EXTL3: variants seen among roughly 807,000 people sequenced by gnomAD.
The protein encoded by EXTL3 is exostosin-like 3.
Under a neutral mutation model 69.3 loss-of-function variants are expected in EXTL3, and 27 were observed. The observed-to-expected ratio is 0.39, with a 90% CI of 0.29 to 0.54. The LOEUF (loss-of-function observed/expected upper bound fraction) is 0.54. Among genes scored for constraint, EXTL3 ranks in the 20% least tolerant of loss-of-function variants. EXTL3 has a pLI of 0.69. For synonymous variants in EXTL3, 511 were observed against 499.4 expected, an observed-to-expected ratio of 1.02 and a Z score of -0.31; for missense variants, 1,003 against 1,231.8, an observed-to-expected ratio of 0.81 and a Z score of 2.78.
At chr8:28,612,575 T>C (rs1292711024) in intron 2 of EXTL3, among the ~76,000 whole-genome samples, 1 of 152,190 alleles carries the variant, frequency 6.6e-6, no homozygotes, top group Non-Finnish European at 1.5e-5. Flanking sequence ...TAAAAGTTAT[T>C]ACTATCTTCT....
chr8:28,608,147 T>C (rs1346663401), intron 2 of EXTL3, among the ~76,000 whole-genome samples: 1 of 150,398 alleles, frequency 6.6e-6, no homozygotes, highest in Non-Finnish European at 1.5e-5. Context: ...AAATAGGCCA[T>C]TAAGCTGGTC....
rs1801533711 is a variant in EXTL3 at position 28,731,322 on chromosome 8, C to T, written c.2248C>T (p.Arg750Cys). The T allele has an allele frequency of 2.5e-6, 4 of 1,614,098 alleles. No individual in the cohort carries two copies. Among genetic ancestry groups the T allele is most frequent in the Non-Finnish European group, 3.4e-6 (4 of 1,180,042 alleles). Residue 750 changes from arginine (R) to cysteine (C), a missense_variant, in exon 4 of 7, where the codon CGC becomes TGC. Coordinates refer to ENST00000220562, the MANE Select transcript of EXTL3 (RefSeq NM_001440.4). The stretch of plus-strand genomic sequence containing the variant: ...GTCCATTGATGACGATGCTCACCTC[C>T]GCCATGACGAAATCATGTTTGGGTT... ...ILSIDDDAHL[R>C]HDEIMFGFRV...
At chr8:28,611,500 A>C (rs4732643) in intron 2 of EXTL3, among the ~76,000 whole-genome samples, 32,128 of 152,022 alleles carry the variant, frequency 0.21, 3,996 homozygotes, top group Non-Finnish European at 0.28. Context: ...TAGCTGTAAT[A>C]TTCTGGATTC....
intron 1 of EXTL3, among the ~76,000 whole-genome samples, chr8:28,669,723 G>C (rs1247797833): frequency 6.6e-6 from 1 of 152,148 alleles, no homozygotes; most frequent in African/African-American, 2.4e-5. Flanking sequence ...TCTGTTCTCT[G>C]ATATTAAGCA....
rs145207874 is a variant in EXTL3 at position 28,717,390 on chromosome 8, C to T, written c.1331C>T (p.Ser444Phe). ...ITPGDPRLVI[S>F]SGCATRLFEA... ...CCCGGGGACCCTCGCTTGGTTATTT[C>T]CTCTGGGTGTGCAACACGGCTCTTC... is the stretch of plus-strand genomic sequence containing the variant. Residue 444 changes from serine to phenylalanine, a missense_variant, in exon 3 of 7, where the codon TCC (serine) becomes TTC (phenylalanine). Coordinates refer to ENST00000220562, the MANE Select transcript of EXTL3 (RefSeq NM_001440.4). The surrounding 1 kb of genome is among the most constrained non-coding windows in gnomAD (Gnocchi z 8.3). The T allele has an allele frequency of 6.2e-7, 1 of 1,614,222 alleles. No homozygotes were observed. Among genetic ancestry groups the T allele is most frequent in the Non-Finnish European group, 8.5e-7 (1 of 1,180,038 alleles).
intron 1 of EXTL3, among the ~76,000 whole-genome samples, chr8:28,675,394 G>A (rs924812116): frequency 3.3e-5 from 5 of 152,172 alleles, no homozygotes; most frequent in African/African-American, 1.2e-4. Context: ...CATGACCTCT[G>A]TGGTCAGTAT....
intron 3 of EXTL3, among the ~76,000 whole-genome samples, chr8:28,724,218 C>T (rs562971869): frequency 1.3e-5 from 2 of 152,092 alleles, no homozygotes; most frequent in African/African-American, 4.8e-5. Flanking sequence ...TCTGCATTCT[C>T]TCATTTGTTG....
rs7001777 is a variant in EXTL3, at chr8:28,728,779, T to C, written c.2149-2444T>C. On this transcript the variant is annotated intron_variant, in intron 3 of 6. Coordinates refer to ENST00000220562, the MANE Select transcript of EXTL3 (RefSeq NM_001440.4). ...GTGCATGCCTGTAGGTCCCAGCTAC[T>C]TGGGGAGCTGAGACAAGAGGATCAA... is the stretch of plus-strand genomic sequence containing the variant. Among the ~76,000 whole-genome samples the C allele has an allele frequency of 5.2e-3, 798 of 152,192 alleles. 14 individuals are homozygous for C. The highest frequency in any genetic ancestry group is 0.018 in the African/African-American group (766 of 41,514).
At position 28,718,177 on chromosome 8, in the gene EXTL3, T is replaced by C. The variant is rs768720725; in HGVS notation, c.2118T>C (p.Leu706=). 3.2e-5 allele frequency: 52 copies of C among 1,614,162 alleles called. No homozygotes were observed. The highest frequency in any genetic ancestry group is 4.2e-5 in the Non-Finnish European group (50 of 1,180,014). ...WNSPKLPSED[L]LWPDIGVPIM... is the part of the protein sequence containing the mutation. ...CTCCCAAGCTGCCATCAGAGGACCT[T>C]CTGTGGCCTGACATTGGCGTCCCCA... The change falls in exon 3 of 7, where the codon CTT becomes CTC. Residue 706 remains leucine (L), a synonymous_variant. Coordinates refer to ENST00000220562, the MANE Select transcript of EXTL3 (RefSeq NM_001440.4).
At chr8:28,635,546 C>CA (rs1214659044) in intron 1 of EXTL3, among the ~76,000 whole-genome samples, 14,854 of 115,814 alleles carry the variant, frequency 0.13, 2,138 homozygotes, top group African/African-American at 0.37. Flanking sequence ...CTAAAAAATA[C>CA]AAAAAAAAAA....
At chr8:28,720,406 G>A (rs1801270856) in intron 3 of EXTL3, among the ~76,000 whole-genome samples, 1 of 152,170 alleles carries the variant, frequency 6.6e-6, no homozygotes. Context: ...CTCCTCTTAT[G>A]TTTAGGTTCC....
At chr8:28,624,655 C>G (rs1806464636) in intron 1 of EXTL3, among the ~76,000 whole-genome samples, 1 of 152,032 alleles carries the variant, frequency 6.6e-6, no homozygotes, top group African/African-American at 2.4e-5. Flanking sequence ...TTAGTGATTA[C>G]CATTTTGACT....
In EXTL3 at chr8:28,724,873, G is replaced by A. The variant is rs143587021; in HGVS notation, c.2149-6350G>A. Among the ~76,000 whole-genome samples, 1,045 of 151,940 alleles carry A rather than the reference G, an allele frequency of 6.9e-3. 10 individuals carry two copies. Among genetic ancestry groups the A allele is most frequent in the African/African-American group, 0.024 (978 of 41,430 alleles). On this transcript the variant is annotated intron_variant, in intron 3 of 6. Transcript: ENST00000220562. ...CTCTGTCGCTCACCTCCCTCCCATC[G>A]CTCACCTCCCTCCCCACTCACTTCA...
chr8:28,617,249 C>T (rs1806342021), intron 2 of EXTL3, among the ~76,000 whole-genome samples: 2 of 152,158 alleles, frequency 1.3e-5, no homozygotes, highest in Admixed American at 6.5e-5. Flanking sequence ...GGGGCAGCTT[C>T]CTTCCTCATT....
chr8:28,708,426 CTTTTTTT>C (rs71549693), intron 1 of EXTL3, among the ~76,000 whole-genome samples: 3 of 118,750 alleles, frequency 2.5e-5, no homozygotes, highest in Non-Finnish European at 5.3e-5. Context: ...TGGGAAGTGC[CTTTTTTT>C]TTTTTTTTTT....
At chr8:28,713,089 T>C (rs1448564461) in intron 1 of EXTL3, among the ~76,000 whole-genome samples, 2 of 152,220 alleles carry the variant, frequency 1.3e-5, no homozygotes, top group Non-Finnish European at 2.9e-5. Context: ...TTGAAGCAAA[T>C]TCCAGGTATA....
intron 1 of EXTL3, among the ~76,000 whole-genome samples, chr8:28,657,746 C>A (rs1807035249): frequency 6.6e-6 from 1 of 151,890 alleles, no homozygotes. Context: ...AAAAACCTAC[C>A]CATTATTACA....
chr8:28,663,627 T>G (rs983434213), intron 1 of EXTL3, among the ~76,000 whole-genome samples: 1 of 152,084 alleles, frequency 6.6e-6, no homozygotes, highest in African/African-American at 2.4e-5. Flanking sequence ...AAATTTTAAA[T>G]TTTTAGTAGA....
At chr8:28,746,630 AAC>A (rs1173411836) in intron 6 of EXTL3, among the ~76,000 whole-genome samples, 2 of 152,194 alleles carry the variant, frequency 1.3e-5, no homozygotes, top group Admixed American at 1.3e-4. Context: ...TTTATTATGT[AAC>A]ACAGTTATAT....
Sources: gnomAD v4.1 joint callset for allele counts (sites outside exome capture counted in the v4.1 genomes callset) on GRCh38, gnomAD v4.1.1 for gene constraint, Gnocchi (gnomAD v3.1) non-coding constraint, MANE v1.5 for transcripts, NCBI Gene and HGNC (gene_info 2026-07-23, HGNC 2026-07-21) for gene names.